Variants in ARHGEF3 observed in about 807,000 individuals in gnomAD.
ARHGEF3 encodes Rho guanine nucleotide exchange factor 3, also known as 59.8 kDA protein.
In ARHGEF3, 28 loss-of-function variants were observed where a neutral mutation model predicts 63.2. The ratio of observed to expected loss-of-function variants is 0.44; its 90% CI spans 0.33 to 0.61. The LOEUF (loss-of-function observed/expected upper bound fraction) is 0.61, where lower values mean the gene tolerates loss of function less well. ARHGEF3 is among the 20% of genes least tolerant of loss of function. The probability of loss-of-function intolerance (pLI) is 0.03; values close to 1 mark genes in which losing one functional copy is unlikely to be tolerated. For missense variants in ARHGEF3, 533 were observed against 659.3 expected (o/e 0.81, Z 2.10); for synonymous variants, 266 against 254.2 (o/e 1.05, Z -0.44).
intron 1 of ARHGEF3, among the ~76,000 whole-genome samples, chr3:57,051,028 C>T (rs987951971): frequency 6.6e-6 from 1 of 152,162 alleles, no homozygotes; most frequent in Admixed American, 6.5e-5. Context: ...AATTCATAAC[C>T]TGTTTGCATT....
chr3:56,771,867 A>C (rs936848292), intron 2 of ARHGEF3, among the ~76,000 whole-genome samples: 4 of 152,174 alleles, frequency 2.6e-5, no homozygotes, highest in African/African-American at 9.7e-5. Context: ...GATGGAGAGG[A>C]AAGGGTGAAA....
At chr3:56,751,761 G>A (rs1248269734) in intron 4 of ARHGEF3, among the ~76,000 whole-genome samples, 2 of 152,076 alleles carry the variant, frequency 1.3e-5, no homozygotes, top group South Asian at 2.1e-4. Context: ...CTAGCTACTA[G>A]CAGATTCTTT....
chr3:56,797,856 C>A (rs2037449213), intron 1 of ARHGEF3, among the ~76,000 whole-genome samples: 1 of 152,194 alleles, frequency 6.6e-6, no homozygotes, highest in Admixed American at 6.5e-5. Flanking sequence ...TGTACTACCA[C>A]CCCACCTTTT....
At chr3:57,002,866 C>T (rs540524807) in intron 2 of ARHGEF3, among the ~76,000 whole-genome samples, 10 of 150,934 alleles carry the variant, frequency 6.6e-5, no homozygotes, top group East Asian at 4.0e-4. Flanking sequence ...CTCCACCTCC[C>T]GGGTTCAAGC....
At chr3:56,916,876 G>T (rs151000621) in intron 3 of ARHGEF3, among the ~76,000 whole-genome samples, 2 of 152,296 alleles carry the variant, frequency 1.3e-5, no homozygotes, top group East Asian at 3.9e-4. Context: ...CCCACACTGA[G>T]TCGCGGTTCA....
intron 1 of ARHGEF3, among the ~76,000 whole-genome samples, chr3:57,038,859 A>C (rs1167951996): frequency 6.6e-6 from 1 of 152,188 alleles, no homozygotes; most frequent in African/African-American, 2.4e-5. Context: ...GCCCTGCAGA[A>C]AAGCCAGGAT....
chr3:56,985,888 C>T (rs561473430), intron 2 of ARHGEF3, among the ~76,000 whole-genome samples: 15 of 152,260 alleles, frequency 9.9e-5, no homozygotes, highest in South Asian at 2.1e-4. Flanking sequence ...AATGTGATGC[C>T]GCCTGGCTGG....
At chr3:56,897,308 G>A (rs2041334835) in intron 3 of ARHGEF3, among the ~76,000 whole-genome samples, 1 of 152,042 alleles carries the variant, frequency 6.6e-6, no homozygotes, top group African/African-American at 2.4e-5. Flanking sequence ...ATTACTTTTT[G>A]ATACAAAAAG....
At chr3:56,864,002 C>A (rs1235246244) in intron 4 of ARHGEF3, among the ~76,000 whole-genome samples, 2 of 152,118 alleles carry the variant, frequency 1.3e-5, no homozygotes, top group Non-Finnish European at 2.9e-5. Flanking sequence ...AGATACATAG[C>A]CATATATGTC....
intron 2 of ARHGEF3, among the ~76,000 whole-genome samples, chr3:56,961,586 C>T (rs1700282099): frequency 6.6e-6 from 1 of 152,166 alleles, no homozygotes; most frequent in African/African-American, 2.4e-5. Context: ...CAGAGCAAAT[C>T]TGTCCATTCG....
intron 3 of ARHGEF3, among the ~76,000 whole-genome samples, chr3:56,891,604 A>G (rs2041124307): frequency 6.6e-6 from 1 of 152,172 alleles, no homozygotes; most frequent in Non-Finnish European, 1.5e-5. Flanking sequence ...TAGTTAAGCC[A>G]TTTATTTGTT....
chr3:56,921,959 C>G (rs895125287), intron 3 of ARHGEF3, among the ~76,000 whole-genome samples: 2 of 152,128 alleles, frequency 1.3e-5, no homozygotes, highest in African/African-American at 2.4e-5. Context: ...GGTTTTGTTA[C>G]AAGCAATCGC....
chr3:56,782,291 A>C (rs1351085451), intron 1 of ARHGEF3, among the ~76,000 whole-genome samples: 1 of 152,174 alleles, frequency 6.6e-6, no homozygotes, highest in African/African-American at 2.4e-5. Flanking sequence ...ATTAGGCCAA[A>C]TGTGTTTCAG....
At chr3:56,905,308 A>T (rs1488667975) in intron 3 of ARHGEF3, among the ~76,000 whole-genome samples, 2 of 152,204 alleles carry the variant, frequency 1.3e-5, no homozygotes, top group Non-Finnish European at 2.9e-5. Flanking sequence ...GACCAGCCCT[A>T]GACATAAATA....
At chr3:56,845,158 G>A (rs944070374) in intron 4 of ARHGEF3, among the ~76,000 whole-genome samples, 1 of 152,174 alleles carries the variant, frequency 6.6e-6, no homozygotes, top group Admixed American at 6.5e-5. Flanking sequence ...AGTCATGTAA[G>A]TTTGGAAACA....
At chr3:56,900,748 G>A (rs1376662668) in intron 3 of ARHGEF3, among the ~76,000 whole-genome samples, 4 of 152,154 alleles carry the variant, frequency 2.6e-5, no homozygotes, top group Non-Finnish European at 5.9e-5. Context: ...CTTTTAATCG[G>A]AAGTTACCAG....
chr3:57,067,372 G>A (rs541390018), intron 1 of ARHGEF3, among the ~76,000 whole-genome samples: 7 of 151,316 alleles, frequency 4.6e-5, no homozygotes, highest in Admixed American at 1.3e-4. Flanking sequence ...GGAGAATGGC[G>A]TGAACCCAGG....
In ARHGEF3 at chr3:57,010,452, T is replaced by C. The variant is rs551888592; in HGVS notation, c.62+24636A>G. Among the ~76,000 whole-genome samples the C allele has an allele frequency of 8.6e-5, 11 of 127,280 alleles. No homozygotes were observed. The South Asian group carries it at 3.1e-3, about 36-fold the overall frequency. The allele number at this position is 127,280 out of a possible 152,430, so 83.5% of individuals were successfully genotyped here. ...GCCTGGGTGACAGAACGAGACTCCA[T>C]CTCAAAAAAAAAAAAAAAAAAACCC... is the stretch of plus-strand genomic sequence containing the variant. On this transcript the variant is annotated intron_variant, in intron 2 of 12. Coordinates refer to the ARHGEF3 transcript ENST00000338458.
intron 2 of ARHGEF3, among the ~76,000 whole-genome samples, chr3:56,978,253 G>C (rs553847666): frequency 1.3e-5 from 2 of 152,306 alleles, no homozygotes; most frequent in South Asian, 4.1e-4. Flanking sequence ...AAGTCAAATG[G>C]ATAGCACTCA....
Sources: gnomAD v4.1 joint callset for allele counts (sites outside exome capture counted in the v4.1 genomes callset) on GRCh38, gnomAD v4.1.1 for gene constraint, MANE v1.5 for transcripts, NCBI Gene and HGNC (gene_info 2026-07-23, HGNC 2026-07-21) for gene names.